RASGRF1: variants seen among roughly 807,000 people sequenced by gnomAD.
RASGRF1 encodes the protein Ras protein specific guanine nucleotide releasing factor 1, also known as ras-specific guanine nucleotide-releasing factor 1.
Under a neutral mutation model 138.7 loss-of-function variants are expected in RASGRF1, and 40 were observed. The ratio of observed to expected loss-of-function variants is 0.29; its 90% CI spans 0.22 to 0.38. The LOEUF is 0.38. Among genes scored for constraint, RASGRF1 ranks in the 10% least tolerant of loss-of-function variants. The probability of loss-of-function intolerance (pLI) is 1.00; values close to 1 mark genes in which losing one functional copy is unlikely to be tolerated. For missense variants in RASGRF1, 1,108 were observed against 1,650.4 expected (o/e 0.67, Z 5.69); for synonymous variants, 614 against 663.2 (o/e 0.93, Z 1.14).
chr15:79,048,246 G>C (rs528428211), intron 4 of RASGRF1, among the ~76,000 whole-genome samples: 1 of 152,148 alleles, frequency 6.6e-6, no homozygotes, highest in Non-Finnish European at 1.5e-5. Context: ...CTAGAGGTGC[G>C]TGAGGCTAGC....
At position 78,973,377 on chromosome 15, in the gene RASGRF1, C is replaced by A; in HGVS notation, c.3538G>T (p.Asp1180Tyr). ...GTCCCCTCCTCGATGAAGGCCAGGT[C>A]GGTGAGGTACATCCCCAGGTAAGGG... ...CVPYLGMYLT[D>Y]LAFIEEGTPN... is the part of the protein sequence containing the mutation. The change falls in exon 25 of 27, where the codon GAC (aspartate) becomes TAC (tyrosine). Residue 1180 changes from aspartate to tyrosine, a missense_variant. Coordinates refer to ENST00000558480, the MANE Select transcript of RASGRF1 (RefSeq NM_001145648.3). This position sits in a 1 kb window ranked among gnomAD's most constrained non-coding sequence, Gnocchi z 4.9. 1 of 1,613,856 alleles carries A rather than the reference C, an allele frequency of 6.2e-7. No homozygotes were observed. Among genetic ancestry groups the A allele is most frequent in the South Asian group, 1.1e-5 (1 of 91,072 alleles).
chr15:79,037,605 C>T (rs190959023), intron 5 of RASGRF1, among the ~76,000 whole-genome samples: 11 of 151,820 alleles, frequency 7.2e-5, no homozygotes, highest in Admixed American at 2.6e-4. Flanking sequence ...ATTACAGGTG[C>T]GCCCCAGCAT....
intron 19 of RASGRF1, among the ~76,000 whole-genome samples, chr15:78,996,119 G>A (rs2056386585): frequency 6.6e-6 from 1 of 152,206 alleles, no homozygotes; most frequent in South Asian, 2.1e-4. Context: ...TAGCTCTGGT[G>A]CCAGCACAGG....
At chr15:79,053,501 A>G (rs1007515221) in intron 3 of RASGRF1, among the ~76,000 whole-genome samples, 3 of 152,226 alleles carry the variant, frequency 2.0e-5, no homozygotes, top group Admixed American at 6.5e-5. Flanking sequence ...ATCATGCCAA[A>G]CTGAGCATTC....
At position 79,031,251 on chromosome 15, in the gene RASGRF1, C is replaced by T. The variant is rs143032994; in HGVS notation, c.1262+149G>A. ...ACCCCCTCAGGACCACTCCAGGGGC[C>T]TCTGCTTTGAGCTGTGGCAAGCTGT... On this transcript the variant is annotated intron_variant, in intron 8 of 26. Coordinates refer to ENST00000558480, the MANE Select transcript of RASGRF1 (RefSeq NM_001145648.3). 496 of 641,590 alleles carry T rather than the reference C, an allele frequency of 7.7e-4. 1 individual carries two copies. In the African/African-American group the frequency reaches 8.3e-3, roughly 11 times the overall value. The allele number at this position is 641,590 out of a possible 1,614,324, so 39.7% of individuals were successfully genotyped here. A position where few individuals can be genotyped will look rare whatever the true frequency, so the allele number is the denominator to read the frequency against.
intron 26 of RASGRF1, among the ~76,000 whole-genome samples, chr15:78,962,536 T>C (rs1348346921): frequency 6.6e-6 from 1 of 152,218 alleles, no homozygotes; most frequent in African/African-American, 2.4e-5. Context: ...TGCCAGTGTT[T>C]CTGTATGTTT....
In RASGRF1 at chr15:79,049,501, T is replaced by C; in HGVS notation, c.619A>G (p.Lys207Glu). ...CCCAGAGGGATAGCACTGACCTTCTTAATTTTCTTGATGTCGCTGTCTTCA... is the reference window on the plus strand; with the variant it reads ...CCCAGAGGGATAGCACTGACCTTCTCAATTTTCTTGATGTCGCTGTCTTCA... ...NDEDSDIKKIKKVQSFLRGWL... is the reference protein window; with the variant it reads ...NDEDSDIKKIEKVQSFLRGWL... The change falls in exon 4 of 27, where the codon AAG becomes GAG. Residue 207 changes from lysine to glutamate, a missense_variant. Physicochemically the swap from Lys to Glu is moderately conservative, Grantham distance 56. Coordinates refer to ENST00000558480, the MANE Select transcript of RASGRF1 (RefSeq NM_001145648.3). 2 of 1,613,918 alleles carry C rather than the reference T, an allele frequency of 1.2e-6. No individual in the cohort carries two copies. The highest frequency in any genetic ancestry group is 1.7e-6 in the Non-Finnish European group (2 of 1,179,930).
rs995661270 is a variant in RASGRF1, at chr15:79,032,390, C to T, written c.959-74G>A. ...CAGAATCCCCTAGGCCCTTGGCTCC[C>T]CCAGCTACACCCAGAGAGGCCAGGG... On this transcript the variant is annotated intron_variant, in intron 6 of 26. Coordinates refer to ENST00000558480, the MANE Select transcript of RASGRF1 (RefSeq NM_001145648.3). The surrounding 1 kb of genome is among the most constrained non-coding windows in gnomAD (Gnocchi z 4.5). 67 of 1,425,150 alleles carry T rather than the reference C, an allele frequency of 4.7e-5. No individual in the cohort carries two copies. The highest frequency in any genetic ancestry group is 3.7e-4 in the Middle Eastern group (2 of 5,340). The allele number at this position is 1,425,150 out of a possible 1,614,324, so 88.3% of individuals were successfully genotyped here. A position where few individuals can be genotyped will look rare whatever the true frequency, so the allele number is the denominator to read the frequency against.
At chr15:79,066,816 T>C (rs2057686972) in intron 1 of RASGRF1, among the ~76,000 whole-genome samples, 1 of 152,202 alleles carries the variant, frequency 6.6e-6, no homozygotes, top group African/African-American at 2.4e-5. Context: ...TGACAGGTTA[T>C]GATGCCCAAC....
At chr15:79,058,563 G>T (rs908668157) in intron 2 of RASGRF1, 82 bp from the exon 3 acceptor site, 7 of 1,538,338 alleles carry the variant, frequency 4.6e-6, no homozygotes, top group Admixed American at 3.5e-5. Context: ...CGGGAGAGGG[G>T]CTCACCCACC....
chr15:78,993,231 GAT>G (rs1491321333), intron 20 of RASGRF1, among the ~76,000 whole-genome samples: 7 of 121,070 alleles, frequency 5.8e-5, no homozygotes, highest in Admixed American at 3.9e-4. Flanking sequence ...CTGTGTGGGT[GAT>G]GTGTGTGTGT....
chr15:79,015,236 G>A, intron 13 of RASGRF1, 91 bp downstream of exon 13: 4 of 1,294,768 alleles, frequency 3.1e-6, no homozygotes, highest in East Asian at 2.3e-5. Context: ...CTGAACCCCA[G>A]TAGCTGGCTC....
chr15:79,041,797 C>T (rs2057300607), intron 5 of RASGRF1, among the ~76,000 whole-genome samples: 1 of 152,184 alleles, frequency 6.6e-6, no homozygotes, highest in Admixed American at 6.5e-5. Context: ...TTGCATTGCA[C>T]CAGTCACTCA....
intron 1 of RASGRF1, among the ~76,000 whole-genome samples, chr15:79,083,584 C>T (rs1247098742): frequency 6.6e-6 from 1 of 152,194 alleles, no homozygotes; most frequent in Non-Finnish European, 1.5e-5. Flanking sequence ...ATATTTTCAC[C>T]TGCTATTAAT....
In RASGRF1 at chr15:79,004,112, C is replaced by T; in HGVS notation, c.2139G>A (p.Lys713=). 1 of 1,613,442 alleles carries T rather than the reference C, an allele frequency of 6.2e-7. No homozygotes were observed. The highest frequency in any genetic ancestry group is 8.5e-7 in the Non-Finnish European group (1 of 1,179,804). ...NNKLLYGEPP[K]SPRATRKFSS... ...AGAACTTGCGGGTGGCGCGCGGGGA[C>T]TTGGGGGGTTCACCGTACAGGAGCT... Residue 713 remains lysine (K), a synonymous_variant, in exon 15 of 27, where the codon AAG becomes AAA. Transcript: ENST00000558480.
intron 4 of RASGRF1, among the ~76,000 whole-genome samples, chr15:79,049,291 T>C (rs935124391): frequency 5.3e-5 from 8 of 152,232 alleles, no homozygotes; most frequent in African/African-American, 1.9e-4. Context: ...TGAAGCACTC[T>C]GCCCCATAGG....
In RASGRF1 at chr15:78,999,667, G is replaced by A. The variant is rs57004337; in HGVS notation, c.2746+76C>T. ...AACACCCACAGCAGAGCAAGTCCCCGGGACCATGGCTGCTATCACCTGCCA... is the reference window on the plus strand; with the variant it reads ...AACACCCACAGCAGAGCAAGTCCCCAGGACCATGGCTGCTATCACCTGCCA... On this transcript the variant is annotated intron_variant, in intron 17 of 26. Coordinates refer to ENST00000558480, the MANE Select transcript of RASGRF1 (RefSeq NM_001145648.3). The A allele has an allele frequency of 2.6e-3, 3,991 of 1,539,154 alleles. 86 individuals carry two copies. The African/African-American group carries it at 0.048, about 19-fold the overall frequency.
Position 79,058,317 on chromosome 15 carries a change from C to G in RASGRF1, c.531+17G>C. On this transcript the variant is annotated intron_variant, in intron 3 of 26. Coordinates refer to ENST00000558480, the MANE Select transcript of RASGRF1 (RefSeq NM_001145648.3). ...GTTGTGCCTAGGGCCTGGGCCCACC[C>G]CCCAGCCCGCAGTCACCTCTGCCTT... 1 of 1,610,216 alleles carries G rather than the reference C, an allele frequency of 6.2e-7. No homozygotes were observed. Among genetic ancestry groups the G allele is most frequent in the African/African-American group, 1.3e-5 (1 of 75,042 alleles).
In RASGRF1 at chr15:79,000,032, G is replaced by A. The variant is rs1055998220; in HGVS notation, c.2576-119C>T. ...AGAGCCAGCAGGCTGTGTCTTCAGG[G>A]TACCAGGGCATGTCGGGTGGTGCTG... On this transcript the variant is annotated intron_variant, in intron 16 of 26. Transcript: ENST00000558480. The A allele has an allele frequency of 6.5e-6, 7 of 1,083,256 alleles. No individual in the cohort carries two copies. The African/African-American group carries it at 9.4e-5, about 15-fold the overall frequency. The allele number at this position is 1,083,256 out of a possible 1,614,324, so 67.1% of individuals were successfully genotyped here.
Sources: allele counts gnomAD v4.1 joint callset (sites outside exome capture counted in the v4.1 genomes callset), GRCh38; gene constraint gnomAD v4.1.1; non-coding constraint Gnocchi (gnomAD v3.1); transcripts MANE v1.5; gene names NCBI Gene and HGNC (gene_info 2026-07-23, HGNC 2026-07-21).